The following NYAP2 variants were observed in gnomAD, a reference collection of about 807,000 sequenced individuals.
NYAP2 encodes neuronal tyrosine-phosphorylated phosphoinositide-3-kinase adapter 2.
In NYAP2, 23 loss-of-function variants were observed where a neutral mutation model predicts 50.4. The ratio of observed to expected loss-of-function variants is 0.46; its 90% CI spans 0.33 to 0.65. The LOEUF (loss-of-function observed/expected upper bound fraction) is 0.65, where lower values mean the gene tolerates loss of function less well. Among genes scored for constraint, NYAP2 ranks in the 30% least tolerant of loss-of-function variants. The pLI is 0.02. For missense variants in NYAP2, 885 were observed against 861.0 expected, an observed-to-expected ratio of 1.03 and a Z score of -0.35; for synonymous variants, 394 against 365.2, an observed-to-expected ratio of 1.08 and a Z score of -0.90.
intron 3 of NYAP2, among the ~76,000 whole-genome samples, chr2:225,412,131 G>C (rs911212812): frequency 6.7e-6 from 1 of 150,194 alleles, no homozygotes; most frequent in Non-Finnish European, 1.5e-5. Context: ...GCTAATTTTT[G>C]TATTTTTAGT....
At chr2:225,589,835 T>TGGAGG (rs1214387435) in intron 5 of NYAP2, among the ~76,000 whole-genome samples, 2 of 151,822 alleles carry the variant, frequency 1.3e-5, no homozygotes, top group Non-Finnish European at 2.9e-5. Context: ...AAGGGAAGGT[T>TGGAGG]GGAGGAGGGA....
chr2:225,552,367 T>C (rs1574673966), intron 4 of NYAP2, among the ~76,000 whole-genome samples: 1 of 152,174 alleles, frequency 6.6e-6, no homozygotes, highest in Non-Finnish European at 1.5e-5. Context: ...TCAGGAATAA[T>C]AACTTCATGA....
chr2:225,584,893 C>A (rs1373654106), intron 5 of NYAP2, among the ~76,000 whole-genome samples: 4 of 152,180 alleles, frequency 2.6e-5, no homozygotes, highest in Non-Finnish European at 5.9e-5. Context: ...ATTTCTAGAG[C>A]AGTTGTCAAC....
chr2:225,449,115 G>A (rs1041786647), intron 3 of NYAP2, among the ~76,000 whole-genome samples: 1 of 152,166 alleles, frequency 6.6e-6, no homozygotes, highest in African/African-American at 2.4e-5. Flanking sequence ...CTGCTAAGTG[G>A]TAGATATTCT....
At chr2:225,634,192 C>T (rs76978791) in intron 6 of NYAP2, among the ~76,000 whole-genome samples, 1 of 152,302 alleles carries the variant, frequency 6.6e-6, no homozygotes, top group African/African-American at 2.4e-5. Context: ...CAGCCTAATC[C>T]TTCATAGCAC....
intron 3 of NYAP2, among the ~76,000 whole-genome samples, chr2:225,449,851 A>C (rs1437177517): frequency 4.6e-5 from 7 of 151,950 alleles, no homozygotes. Context: ...TCCTGACCTC[A>C]AGTGATCCAC....
At chr2:225,664,661 G>T in the NYAP2 span, among the ~76,000 whole-genome samples, 1 of 152,106 alleles carries the variant, frequency 6.6e-6, no homozygotes, top group African/African-American at 2.4e-5. Context: ...GAGGTCAGGA[G>T]ATCGAGACCA....
intron 3 of NYAP2, among the ~76,000 whole-genome samples, chr2:225,500,419 G>A (rs1408053510): frequency 6.6e-6 from 1 of 152,128 alleles, no homozygotes; most frequent in Non-Finnish European, 1.5e-5. Context: ...TAAATACATG[G>A]CTAGGATTTC....
chr2:225,499,947 G>T (rs1262413213), intron 3 of NYAP2, among the ~76,000 whole-genome samples: 2 of 152,212 alleles, frequency 1.3e-5, no homozygotes. Context: ...TATTGCTAAA[G>T]AAAGGGGAGT....
At chr2:225,402,220 A>C (rs1364991528) in intron 2 of NYAP2, among the ~76,000 whole-genome samples, 3 of 152,042 alleles carry the variant, frequency 2.0e-5, no homozygotes, top group Non-Finnish European at 2.9e-5. Flanking sequence ...GGGACAGTGG[A>C]GAAGCCTGAG....
chr2:225,456,653 G>T (rs940291454), intron 3 of NYAP2, among the ~76,000 whole-genome samples: 1 of 152,142 alleles, frequency 6.6e-6, no homozygotes, highest in Non-Finnish European at 1.5e-5. Flanking sequence ...TGTGCTGTCT[G>T]TATAGAGAAG....
rs142686685 is a variant in NYAP2, at chr2:225,482,007, ATG to A, written c.222-31361_222-31360del. On this transcript the variant is annotated intron_variant, in intron 3 of 6. Transcript: ENST00000636099. ...CAACTGTGATGATTAACAAAAAGCA[ATG>A]TGACATACACTTATAGCATACTGTA... 8.5e-5 allele frequency among the ~76,000 whole-genome samples: 13 copies of A among 152,286 alleles called. No homozygotes were observed. In the East Asian group the frequency reaches 2.3e-3, roughly 27 times the overall value.
At chr2:225,401,374 G>T (rs903154554) in intron 2 of NYAP2, among the ~76,000 whole-genome samples, 4 of 152,044 alleles carry the variant, frequency 2.6e-5, no homozygotes, top group African/African-American at 9.7e-5. Flanking sequence ...AGTTGTGCAT[G>T]CTAGCTATTT....
At chr2:225,419,539 T>G (rs1695182732) in intron 3 of NYAP2, among the ~76,000 whole-genome samples, 1 of 152,200 alleles carries the variant, frequency 6.6e-6, no homozygotes, top group African/African-American at 2.4e-5. Flanking sequence ...TTTAGTGAGA[T>G]TCATAATGAG....
At chr2:225,698,555 G>A in the NYAP2 span, 1 of 152,270 alleles carries the variant, frequency 6.6e-6, no homozygotes, top group Non-Finnish European at 1.5e-5. Flanking sequence ...GTGTGTGCAG[G>A]ATGGTGTGAG....
At chr2:225,420,906 T>C (rs912012265) in intron 3 of NYAP2, among the ~76,000 whole-genome samples, 3 of 152,080 alleles carry the variant, frequency 2.0e-5, no homozygotes, top group Non-Finnish European at 2.9e-5. Context: ...TCTACAGGGA[T>C]TCTTATTTTA....
chr2:225,449,284 G>T (rs1689611279), intron 3 of NYAP2, among the ~76,000 whole-genome samples: 3 of 152,102 alleles, frequency 2.0e-5, no homozygotes, highest in Admixed American at 2.0e-4. Context: ...GACCTCACAA[G>T]TTCATTCTGA....
chr2:225,605,333 T>C (rs762423349), intron 5 of NYAP2, among the ~76,000 whole-genome samples: 2 of 152,140 alleles, frequency 1.3e-5, no homozygotes, highest in African/African-American at 2.4e-5. Context: ...AAGTGGGAAC[T>C]CTTATCTTTT....
chr2:225,412,510 A>G (rs550522077), intron 3 of NYAP2, among the ~76,000 whole-genome samples: 1 of 152,012 alleles, frequency 6.6e-6, no homozygotes, highest in East Asian at 1.9e-4. Flanking sequence ...TGAATATATA[A>G]TGAATGAATG....
Sources: gnomAD v4.1 joint callset for allele counts (sites outside exome capture counted in the v4.1 genomes callset) on GRCh38, gnomAD v4.1.1 for gene constraint, MANE v1.5 for transcripts, NCBI Gene and HGNC (gene_info 2026-07-23, HGNC 2026-07-21) for gene names.